The following CC2D1A variants were observed in gnomAD, a reference collection of about 807,000 sequenced individuals.
The protein encoded by CC2D1A is coiled-coil and C2 domain containing 1A.
CC2D1A carries 68 observed loss-of-function variants against 123.8 expected under a neutral mutation model. The ratio of observed to expected loss-of-function variants is 0.55; its 90% confidence interval spans 0.45 to 0.67. The LOEUF (loss-of-function observed/expected upper bound fraction) is 0.67. Ranked by LOEUF, CC2D1A falls within the 30% of genes least tolerant of loss-of-function variation. CC2D1A has a pLI of 0.00. For synonymous variants in CC2D1A, 477 were observed against 528.0 expected (o/e 0.90, Z 1.32); for missense variants, 1,185 against 1,290.3 (o/e 0.92, Z 1.25).
chr19:13,914,609 C>G (rs1971136293), intron 6 of CC2D1A, among the ~76,000 whole-genome samples: 1 of 150,780 alleles, frequency 6.6e-6, no homozygotes, highest in Admixed American at 6.6e-5. Flanking sequence ...GTTAGGATTA[C>G]AAGCATGAGC....
At chr19:13,916,738 C>T (rs1190841207) in intron 6 of CC2D1A, among the ~76,000 whole-genome samples, 1 of 152,080 alleles carries the variant, frequency 6.6e-6, no homozygotes, top group East Asian at 1.9e-4. Flanking sequence ...TACCTCCAAA[C>T]ATATTTTCAG....
chr19:13,928,421 T>G (rs1457844226), intron 24 of CC2D1A, among the ~76,000 whole-genome samples: 1 of 152,104 alleles, frequency 6.6e-6, no homozygotes, highest in Non-Finnish European at 1.5e-5. Flanking sequence ...TACTCCCTCC[T>G]GTGGTTCATG....
Position 13,912,365 on chromosome 19 carries a change from G to A in CC2D1A, c.239G>A (p.Cys80Tyr). ...MEAIEKMASL[C>Y]MRDPDEDEEE... is the part of the protein sequence containing the mutation. ...GCCATTGAGAAGATGGCCAGCCTGT[G>A]CATGAGAGACCCGGATGAGGATGAG... is the stretch of plus-strand genomic sequence containing the variant. The change falls in exon 3 of 29, where the codon TGC (cysteine) becomes TAC (tyrosine). Residue 80 changes from cysteine to tyrosine, a missense_variant. By Grantham distance (194) the Cys-to-Tyr change is radical. Transcript: ENST00000318003. 1.2e-6 allele frequency: 2 copies of A among 1,613,024 alleles called. No homozygotes were observed. The highest frequency in any genetic ancestry group is 2.2e-5 in the South Asian group (2 of 90,834).
chr19:13,914,066 T>C (rs1171307499), intron 6 of CC2D1A, among the ~76,000 whole-genome samples: 1 of 151,804 alleles, frequency 6.6e-6, no homozygotes, highest in Non-Finnish European at 1.5e-5. Context: ...TGAGTAGAGA[T>C]GGGGTTTCAC....
intron 4 of CC2D1A, 122 bp from the exon 5 acceptor site, chr19:13,913,046 C>T: frequency 9.7e-7 from 1 of 1,035,142 alleles, no homozygotes; most frequent in Non-Finnish European, 1.4e-6. Flanking sequence ...ATGATTTCTG[C>T]CTCACTGGGG....
chr19:13,918,695 C>T (rs368524287), intron 8 of CC2D1A, 51 bp from the exon 9 acceptor site: 29 of 1,586,694 alleles, frequency 1.8e-5, no homozygotes, highest in African/African-American at 4.0e-5. Context: ...ACCAGCTTGT[C>T]GGGGGTGCAG....
At chr19:13,908,214 C>T (rs1970863880) in intron 1 of CC2D1A, among the ~76,000 whole-genome samples, 1 of 151,942 alleles carries the variant, frequency 6.6e-6, no homozygotes, top group South Asian at 2.1e-4. Flanking sequence ...CCCTGTTGGT[C>T]AGGCTGGTCT....
chr19:13,926,464 T>C, intron 17 of CC2D1A, 53 bp from the exon 18 acceptor site: 8 of 1,549,472 alleles, frequency 5.2e-6, no homozygotes, highest in Non-Finnish European at 7.1e-6. Context: ...GCAGTGGGAC[T>C]GAGGTGCCTC....
At position 13,913,531 on chromosome 19, in the gene CC2D1A, C is replaced by T. The variant is rs749018117; in HGVS notation, c.641C>T (p.Pro214Leu). The T allele has an allele frequency of 9.3e-6, 15 of 1,614,056 alleles. No homozygotes were observed. Among genetic ancestry groups the T allele is most frequent in the African/African-American group, 1.3e-5 (1 of 74,950 alleles). Residue 214 changes from proline to leucine, a missense_variant, in exon 6 of 29, where the codon CCG becomes CTG. By Grantham distance (98) the Pro-to-Leu change is moderately conservative. Transcript: ENST00000318003. ...ACCTACAGCCCTGCACCCACCCAGC[C>T]GGCCCCTAGAATCGCGTCAGCCCCA... ...TPTYSPAPTQ[P>L]APRIASAPEP... is the part of the protein sequence containing the mutation.
chr19:13,927,382 C>G (rs1971681460), intron 22 of CC2D1A, 117 bp downstream of exon 22: 5 of 778,172 alleles, frequency 6.4e-6, no homozygotes, highest in East Asian at 2.7e-5. Context: ...AGCCCCTCCC[C>G]TCAGAGCCTC....
chr19:13,911,141 A>C (rs1030923537), intron 2 of CC2D1A, among the ~76,000 whole-genome samples: 7 of 147,532 alleles, frequency 4.7e-5, no homozygotes, highest in African/African-American at 1.5e-4. Context: ...CAGGAAGATC[A>C]CTTGAGGCCA....
chr19:13,930,412 G>T lies in CC2D1A; in HGVS notation c.*17G>T. The T allele has an allele frequency of 6.3e-7, 1 of 1,597,800 alleles. No homozygotes were observed. The highest frequency in any genetic ancestry group is 1.8e-5 in the Admixed American group (1 of 57,116). ...CGCAGGTGAGGAGCCCATGGGGCGG[G>T]CAGCCCCCAGAAAGCGGGCAGCAGG... is the stretch of plus-strand genomic sequence containing the variant. On this transcript the variant is annotated 3_prime_UTR_variant, in exon 29 of 29. Coordinates refer to ENST00000318003, the MANE Select transcript of CC2D1A (RefSeq NM_017721.5). The surrounding 1 kb of genome is among the most constrained non-coding windows in gnomAD (Gnocchi z 6.8).
intron 6 of CC2D1A, among the ~76,000 whole-genome samples, chr19:13,915,795 C>G (rs965915700): frequency 6.6e-6 from 1 of 151,974 alleles, no homozygotes; most frequent in East Asian, 1.9e-4. Context: ...CGTGCCACTC[C>G]AAGTCTGGGC....
rs765282375 is a variant in CC2D1A at position 13,918,758 on chromosome 19, C to A, written c.959C>A (p.Pro320Gln). The change falls in exon 9 of 29, where the codon CCA becomes CAA. Residue 320 changes from proline to glutamine, a missense_variant. By Grantham distance (76) the Pro-to-Gln change is moderately conservative. Coordinates refer to ENST00000318003, the MANE Select transcript of CC2D1A (RefSeq NM_017721.5). ...TCTCTGTCCCCAGACCAGCTGCCCCCAGACCCACCGTCACCACCGTCGCAG... is the reference window on the plus strand; with the variant it reads ...TCTCTGTCCCCAGACCAGCTGCCCCAAGACCCACCGTCACCACCGTCGCAG... ...CLPPPPDQLPPDPPSPPSQPP... is the reference protein window; with the variant it reads ...CLPPPPDQLPQDPPSPPSQPP... The A allele has an allele frequency of 1.1e-4, 172 of 1,612,276 alleles. 1 individual carries two copies. Among genetic ancestry groups the A allele is most frequent in the East Asian group, 5.1e-4 (23 of 44,872 alleles).
intron 14 of CC2D1A, among the ~76,000 whole-genome samples, chr19:13,922,150 C>T (rs971009999): frequency 9.2e-5 from 14 of 152,280 alleles, no homozygotes; most frequent in East Asian, 1.9e-4. Context: ...TACAGGCACA[C>T]GCCACCATGC....
chr19:13,909,216 CA>C (rs968948892), intron 1 of CC2D1A, among the ~76,000 whole-genome samples: 7 of 148,286 alleles, frequency 4.7e-5, no homozygotes, highest in African/African-American at 4.9e-5. Flanking sequence ...GCTAAAAATA[CA>C]AAAAAAAAAT....
chr19:13,909,867 TGAGGAC>T lies in CC2D1A; in HGVS notation c.107_112del (p.Glu36_Asp37del), dbSNP rs772371284. ...TCTCCCCAGATGGCCTGATGATCCC[TGAGGAC>T]GGGGCTAACGATGAAGAACTGGAGG... is the stretch of plus-strand genomic sequence containing the variant. On this transcript the variant is annotated inframe_deletion, in exon 2 of 29. Coordinates refer to ENST00000318003, the MANE Select transcript of CC2D1A (RefSeq NM_017721.5). 1 of 1,580,182 alleles carries T rather than the reference TGAGGAC, an allele frequency of 6.3e-7. No homozygotes were observed. The highest frequency in any genetic ancestry group is 1.3e-5 in the African/African-American group (1 of 74,194).
rs765864637 is a variant in CC2D1A, at chr19:13,913,579, G to C, written c.689G>C (p.Gly230Ala). Residue 230 changes from glycine to alanine, a missense_variant, in exon 6 of 29, where the codon GGA (glycine) becomes GCA (alanine). Coordinates refer to ENST00000318003, the MANE Select transcript of CC2D1A (RefSeq NM_017721.5). ...CCAGAGCCCAGGGTCACCCTGGAGG[G>C]ACCTTCTGCCACCGCCCCAGCCTCA... ...SAPEPRVTLE[G>A]PSATAPASSP... 1 of 1,613,774 alleles carries C rather than the reference G, an allele frequency of 6.2e-7. No homozygotes were observed. Among genetic ancestry groups the C allele is most frequent in the African/African-American group, 1.3e-5 (1 of 74,932 alleles).
Position 13,930,295 on chromosome 19 carries a change from C to T in CC2D1A, c.2835+6C>T. On this transcript the variant is annotated splice_donor_region_variant and intron_variant, in intron 28 of 28. Coordinates refer to ENST00000318003, the MANE Select transcript of CC2D1A (RefSeq NM_017721.5). The surrounding 1 kb of genome is among the most constrained non-coding windows in gnomAD (Gnocchi z 6.8). ...GGAATCTGGTAGAGAGTGAGGTAAGCAGCTTAGGAGATGGGGTGGTTGGGG... is the reference window on the plus strand; with the variant it reads ...GGAATCTGGTAGAGAGTGAGGTAAGTAGCTTAGGAGATGGGGTGGTTGGGG... 1.9e-6 allele frequency: 3 copies of T among 1,613,936 alleles called. No homozygotes were observed. Among genetic ancestry groups the T allele is most frequent in the Non-Finnish European group, 2.5e-6 (3 of 1,179,886 alleles).
Sources: gnomAD v4.1 joint callset for allele counts (sites outside exome capture counted in the v4.1 genomes callset) on GRCh38, gnomAD v4.1.1 for gene constraint, Gnocchi (gnomAD v3.1) non-coding constraint, MANE v1.5 for transcripts, NCBI Gene and HGNC (gene_info 2026-07-23, HGNC 2026-07-21) for gene names.